SAMMSON: variants seen among roughly 807,000 people sequenced by gnomAD.
SAMMSON encodes the protein survival associated mitochondrial melanoma specific oncogenic non-coding RNA, also known as long intergenic non-protein coding RNA 1212.
At chr3:70,040,111 T>G (rs1183315977) in intron 3 of SAMMSON, among the ~76,000 whole-genome samples, 1 of 152,118 alleles carries the variant, frequency 6.6e-6, no homozygotes, top group African/African-American at 2.4e-5. Context: ...GAGCAACATT[T>G]GCACATGTAA....
chr3:70,098,840 T>C lies in SAMMSON; in HGVS notation n.507+27275T>C, dbSNP rs186527259. Reference sequence around the variant, plus strand: ...GTAGTAAAAAACCCTTCTCTTAAAGTGTGGCGATTATTGTTTTCATTTACC... The same window carrying C: ...GTAGTAAAAAACCCTTCTCTTAAAGCGTGGCGATTATTGTTTTCATTTACC... On this transcript the variant is annotated intron_variant and non_coding_transcript_variant, in intron 4 of 9. Coordinates refer to ENST00000642114, the Ensembl canonical transcript of SAMMSON. Among the ~76,000 whole-genome samples, 277 of 152,292 alleles carry C rather than the reference T, an allele frequency of 1.8e-3. 3 individuals carry two copies. Among genetic ancestry groups the C allele is most frequent in the African/African-American group, 6.4e-3 (267 of 41,580 alleles).
intron 4 of SAMMSON, among the ~76,000 whole-genome samples, chr3:70,206,122 G>T (rs984023328): frequency 3.2e-4 from 48 of 152,028 alleles, no homozygotes; most frequent in African/African-American, 1.1e-3. Context: ...TGATGAGATT[G>T]CTTAATCTCA....
intron 2 of SAMMSON, among the ~76,000 whole-genome samples, chr3:70,400,325 A>T (rs138268666): frequency 1.3e-5 from 2 of 152,162 alleles, no homozygotes; most frequent in Non-Finnish European, 2.9e-5. Context: ...TGGATCCCTC[A>T]TGAACGGATC....
In SAMMSON at chr3:70,263,381, G is replaced by A. The variant is rs1701886218; in HGVS notation, n.674+13711G>A. Among the ~76,000 whole-genome samples, 3 of 152,058 alleles carry A rather than the reference G, an allele frequency of 2.0e-5. 1 individual carries two copies. In the South Asian group the frequency reaches 6.2e-4, roughly 32 times the overall value. ...AATTTTATTTTAAAACTCTTTTAGG[G>A]TAGGTCTATAGGAATAATTACTCTA... On this transcript the variant is annotated intron_variant and non_coding_transcript_variant, in intron 6 of 9. Transcript: ENST00000642114.
At chr3:70,212,456 T>C (rs1209260404) in intron 4 of SAMMSON, among the ~76,000 whole-genome samples, 2 of 152,112 alleles carry the variant, frequency 1.3e-5, no homozygotes, top group Admixed American at 6.5e-5. Context: ...TTAAAACTAT[T>C]ATTTGACTGG....
chr3:70,388,813 A>G (rs890581316), intron 9 of SAMMSON, among the ~76,000 whole-genome samples: 10 of 152,126 alleles, frequency 6.6e-5, no homozygotes, highest in African/African-American at 2.4e-4. Flanking sequence ...AATTGCAGTC[A>G]TAAGTTTCTA....
chr3:70,148,308 C>A (rs1023456162), intron 4 of SAMMSON, among the ~76,000 whole-genome samples: 4 of 152,046 alleles, frequency 2.6e-5, no homozygotes, highest in African/African-American at 9.7e-5. Context: ...AAAACAAGTT[C>A]ACACAAGAAA....
chr3:70,242,296 G>C (rs985644209), intron 4 of SAMMSON, among the ~76,000 whole-genome samples: 3 of 152,116 alleles, frequency 2.0e-5, no homozygotes, highest in Non-Finnish European at 4.4e-5. Flanking sequence ...TTTGGAAATG[G>C]TGGGAAAAAC....
intron 4 of SAMMSON, among the ~76,000 whole-genome samples, chr3:70,195,505 A>G (rs1701167353): frequency 6.6e-6 from 1 of 152,204 alleles, no homozygotes; most frequent in Non-Finnish European, 1.5e-5. Flanking sequence ...TCAAATTGGA[A>G]AAATGTGCTA....
chr3:70,116,992 A>G (rs1466738546), intron 4 of SAMMSON, among the ~76,000 whole-genome samples: 1 of 152,228 alleles, frequency 6.6e-6, no homozygotes, highest in Non-Finnish European at 1.5e-5. Flanking sequence ...AGTTTTGAAG[A>G]AACGCAAAAT....
intron 2 of SAMMSON, among the ~76,000 whole-genome samples, chr3:70,427,432 G>T (rs1218391554): frequency 6.6e-6 from 1 of 152,042 alleles, no homozygotes; most frequent in Non-Finnish European, 1.5e-5. Flanking sequence ...TACCTAAAAG[G>T]TGATCCTCTT....
intron 6 of SAMMSON, among the ~76,000 whole-genome samples, chr3:70,263,142 C>T (rs6549313): frequency 0.92 from 139,369 of 152,164 alleles, 64,168 homozygotes; most frequent in Non-Finnish European, 0.95. Flanking sequence ...TGACTATAAA[C>T]TCTATATTTG....
intron 4 of SAMMSON, among the ~76,000 whole-genome samples, chr3:70,103,674 T>C (rs1318284984): frequency 6.6e-6 from 1 of 152,176 alleles, no homozygotes; most frequent in African/African-American, 2.4e-5. Flanking sequence ...TAGACAGCTC[T>C]GAAGGTAGAA....
chr3:70,231,205 G>C (rs1442438674), intron 4 of SAMMSON, among the ~76,000 whole-genome samples: 1 of 152,168 alleles, frequency 6.6e-6, no homozygotes, highest in Non-Finnish European at 1.5e-5. Flanking sequence ...TTTATTGAAG[G>C]AAACAGCAGT....
intron 1 of SAMMSON, among the ~76,000 whole-genome samples, chr3:70,006,150 T>C (rs1468378209): frequency 6.6e-6 from 1 of 152,180 alleles, no homozygotes; most frequent in Non-Finnish European, 1.5e-5. Flanking sequence ...TGAAACTCAG[T>C]TAAATGACTA....
chr3:70,015,466 A>G (rs1401756833), intron 3 of SAMMSON: 1 of 151,880 alleles, frequency 6.6e-6, no homozygotes, highest in African/African-American at 2.4e-5. Flanking sequence ...CAACCTATAC[A>G]TCTTGTCTTT....
chr3:70,321,902 ATCT>A (rs1383678014), intron 7 of SAMMSON, among the ~76,000 whole-genome samples: 2 of 152,086 alleles, frequency 1.3e-5, no homozygotes, highest in Non-Finnish European at 2.9e-5. Flanking sequence ...AGAATATATC[ATCT>A]TCTTGTAAAC....
chr3:70,214,211 G>A (rs1701382447), intron 4 of SAMMSON, among the ~76,000 whole-genome samples: 1 of 152,022 alleles, frequency 6.6e-6, no homozygotes, highest in Non-Finnish European at 1.5e-5. Context: ...ACATATATTT[G>A]ACATTTTTTC....
At chr3:70,029,292 T>A (rs1167198090) in intron 3 of SAMMSON, among the ~76,000 whole-genome samples, 1 of 152,124 alleles carries the variant, frequency 6.6e-6, no homozygotes. Flanking sequence ...AATTTTAAAG[T>A]CTTTTAAACA....
Sources: allele counts gnomAD v4.1 joint callset (sites outside exome capture counted in the v4.1 genomes callset), GRCh38; gene constraint gnomAD v4.1.1; transcripts MANE v1.5; gene names NCBI Gene and HGNC (gene_info 2026-07-23, HGNC 2026-07-21).